Variants in ITGAE observed in about 807,000 individuals in gnomAD.
ITGAE encodes integrin alpha-E.
In ITGAE, 99 loss-of-function variants were observed where a neutral mutation model predicts 136.5. That is an observed-to-expected ratio of 0.73 (90% CI 0.62 to 0.86). The LOEUF (loss-of-function observed/expected upper bound fraction) is 0.86, where lower values mean the gene tolerates loss of function less well. Ranked by LOEUF, ITGAE falls within the 40% of genes least tolerant of loss-of-function variation. The pLI is 0.00. For missense variants in ITGAE, 1,447 were observed against 1,515.3 expected, an observed-to-expected ratio of 0.95 and a Z score of 0.75; for synonymous variants, 613 against 591.8, an observed-to-expected ratio of 1.04 and a Z score of -0.52.
rs572219048 is a variant in ITGAE at position 3,714,950 on chromosome 17, A to G, written c.3445-8T>C. On this transcript the variant is annotated splice_polypyrimidine_tract_variant and splice_region_variant and intron_variant, in intron 30 of 30. Transcript: ENST00000263087. ...TCTTTTAAAAAAGCCACACTGAAAC[A>G]AAGGAAGGAAAAGTCCAGTTACAGG... 21 of 1,534,354 alleles carry G rather than the reference A, an allele frequency of 1.4e-5. No homozygotes were observed. The South Asian group carries it at 2.3e-4, about 16-fold the overall frequency.
At chr17:3,792,326 T>C (rs775525632) in intron 1 of ITGAE, among the ~76,000 whole-genome samples, 2 of 152,152 alleles carry the variant, frequency 1.3e-5, no homozygotes, top group African/African-American at 2.4e-5. Context: ...TTCACCATAT[T>C]GCCCAGGCTG....
At chr17:3,762,708 C>A (rs1340114566) in intron 3 of ITGAE, among the ~76,000 whole-genome samples, 1 of 150,874 alleles carries the variant, frequency 6.6e-6, no homozygotes. Context: ...CGCCATTCTC[C>A]TGCCTCAGCC....
chr17:3,756,432 C>T (rs1285317738), intron 10 of ITGAE, among the ~76,000 whole-genome samples: 1 of 143,196 alleles, frequency 7.0e-6, no homozygotes, highest in Non-Finnish European at 1.5e-5. Context: ...GATGGAGCCT[C>T]GCTCTGTCAC....
intron 1 of ITGAE, among the ~76,000 whole-genome samples, chr17:3,778,856 T>A (rs2052602729): frequency 6.6e-6 from 1 of 152,166 alleles, no homozygotes; most frequent in South Asian, 2.1e-4. Flanking sequence ...AGCAGGACAG[T>A]GATCTCTAGA....
chr17:3,724,548 C>T, intron 26 of ITGAE: 3 of 1,614,158 alleles, frequency 1.9e-6, no homozygotes, highest in African/African-American at 1.3e-5. Flanking sequence ...CCCGAGCGGC[C>T]TCCACCTCCC....
chr17:3,719,235 C>CAAAAAAA (rs746282209), intron 29 of ITGAE, among the ~76,000 whole-genome samples: 4 of 66,206 alleles, frequency 6.0e-5, no homozygotes, highest in African/African-American at 2.3e-4. Flanking sequence ...GATTCTTCCT[C>CAAAAAAA]AAAAAAAAAA....
intron 1 of ITGAE, among the ~76,000 whole-genome samples, chr17:3,795,989 C>CTGTGTGTGCATCTG (rs1555528584): frequency 0.037 from 4,726 of 127,126 alleles, 148 homozygotes; most frequent in East Asian, 0.11. Flanking sequence ...GTGTGTGCAT[C>CTGTGTGTGCATCTG]TGTGTGTGCA....
Position 3,798,153 on chromosome 17 carries a change from C to T in ITGAE, c.34+2958G>A, listed in dbSNP as rs1250198082. On this transcript the variant is annotated intron_variant, in intron 1 of 30. Coordinates refer to ENST00000263087, the MANE Select transcript of ITGAE (RefSeq NM_002208.5). The surrounding 1 kb of genome is among the most constrained non-coding windows in gnomAD (Gnocchi z 4.3). ...CTCCCCCAGCCAGCTCTCCCCCACACACTGCATTCCGGGGGCATTTCACCT... is the reference window on the plus strand; with the variant it reads ...CTCCCCCAGCCAGCTCTCCCCCACATACTGCATTCCGGGGGCATTTCACCT... Among the ~76,000 whole-genome samples the T allele has an allele frequency of 6.6e-6, 1 of 152,236 alleles. No homozygotes were observed. The highest frequency in any genetic ancestry group is 6.5e-5 in the Admixed American group (1 of 15,290).
chr17:3,785,838 G>A (rs11653095), intron 1 of ITGAE, among the ~76,000 whole-genome samples: 10,008 of 151,194 alleles, frequency 0.066, 549 homozygotes, highest in East Asian at 0.13. Flanking sequence ...ATAAAAAATA[G>A]AAAGGGGGGA....
At chr17:3,721,365 G>C (rs1005913921) in intron 28 of ITGAE, among the ~76,000 whole-genome samples, 1 of 142,908 alleles carries the variant, frequency 7.0e-6, no homozygotes, top group Admixed American at 7.7e-5. Context: ...TCAAATTCCT[G>C]GGCTCAAACG....
intron 2 of ITGAE, among the ~76,000 whole-genome samples, chr17:3,769,687 G>C (rs982043450): frequency 1.8e-4 from 27 of 152,106 alleles, no homozygotes; most frequent in African/African-American, 6.0e-4. Context: ...GTTTTTCGTT[G>C]TTTGTTTGCT....
Position 3,744,979 on chromosome 17 carries a change from G to A in ITGAE, c.2319+785C>T, listed in dbSNP as rs116577666. Among the ~76,000 whole-genome samples, 1,291 of 152,252 alleles carry A rather than the reference G, an allele frequency of 8.5e-3. 17 individuals carry two copies. Among genetic ancestry groups the A allele is most frequent in the Middle Eastern group, 0.01 (3 of 294 alleles). On this transcript the variant is annotated intron_variant, in intron 18 of 30. Transcript: ENST00000263087. ...CTTTAATCCAATTAACAATCACTTT[G>A]GGGGTAAATGTGTATTCAGAAGAAG...
chr17:3,752,192 G>C (rs1204651388), intron 14 of ITGAE, among the ~76,000 whole-genome samples: 2 of 152,198 alleles, frequency 1.3e-5, no homozygotes, highest in Non-Finnish European at 2.9e-5. Flanking sequence ...GGAAAGCTGG[G>C]GTCCTCCTAC....
intron 28 of ITGAE, 190 bp from the exon 29 acceptor site, chr17:3,720,592 T>C: frequency 2.3e-6 from 1 of 444,278 alleles, no homozygotes; most frequent in Non-Finnish European, 4.0e-6. Context: ...TCCTTTTTTT[T>C]TTTTTTTGAG....
intron 30 of ITGAE, among the ~76,000 whole-genome samples, chr17:3,715,691 A>G (rs1211833749): frequency 6.6e-6 from 1 of 152,066 alleles, no homozygotes; most frequent in African/African-American, 2.4e-5. Context: ...CATCTCCACA[A>G]AATTAAAATT....
intron 3 of ITGAE, 66 bp from the exon 4 acceptor site, chr17:3,762,048 G>T: frequency 7.2e-7 from 1 of 1,397,796 alleles, no homozygotes; most frequent in Non-Finnish European, 1.0e-6. Context: ...CGAAGCCAAG[G>T]TCAGAGGGCA....
At chr17:3,719,093 A>G (rs140510929) in intron 29 of ITGAE, among the ~76,000 whole-genome samples, 20,430 of 151,496 alleles carry the variant, frequency 0.13, 4,628 homozygotes, top group African/African-American at 0.47. Context: ...TAAATTAGCC[A>G]GGCATGGTGG....
At position 3,745,575 on chromosome 17, in the gene ITGAE, C is replaced by T. The variant is rs111668680; in HGVS notation, c.2319+189G>A. ...CCGGCTGGTCTCGAACTCCTGACCT[C>T]AAGTGATCCCCCCGCCTTGGCCTCC... On this transcript the variant is annotated intron_variant, in intron 18 of 30. Transcript: ENST00000263087. Among the ~76,000 whole-genome samples, 1,435 of 152,330 alleles carry T rather than the reference C, an allele frequency of 9.4e-3. 14 individuals carry two copies. Among genetic ancestry groups the T allele is most frequent in the South Asian group, 0.047 (226 of 4,834 alleles).
intron 26 of ITGAE, chr17:3,726,205 C>T: frequency 6.2e-7 from 1 of 1,614,124 alleles, no homozygotes; most frequent in Admixed American, 1.7e-5. Flanking sequence ...AAACAAATGA[C>T]CTTCAAGACT....
Sources: gnomAD v4.1 joint callset for allele counts (sites outside exome capture counted in the v4.1 genomes callset) on GRCh38, gnomAD v4.1.1 for gene constraint, Gnocchi (gnomAD v3.1) non-coding constraint, MANE v1.5 for transcripts, NCBI Gene and HGNC (gene_info 2026-07-23, HGNC 2026-07-21) for gene names.